Variants in ARL15 observed in about 807,000 individuals in gnomAD.
ARL15 encodes ARF like GTPase 15, also known as ADP-ribosylation factor-like protein 15.
ARL15 carries 19 observed loss-of-function variants against 25.2 expected under a neutral mutation model. The observed-to-expected ratio is 0.75, with a 90% CI of 0.53 to 1.10. The LOEUF is 1.10. Ranked by LOEUF, ARL15 falls within the 50% of genes least tolerant of loss-of-function variation. ARL15 has a pLI of 0.00. For synonymous variants in ARL15, 94 were observed against 86.8 expected, an observed-to-expected ratio of 1.08 and a Z score of -0.46; for missense variants, 220 against 246.0, an observed-to-expected ratio of 0.89 and a Z score of 0.71.
chr5:53,940,206 C>A (rs187997773), intron 4 of ARL15, among the ~76,000 whole-genome samples: 1 of 152,006 alleles, frequency 6.6e-6, no homozygotes, highest in African/African-American at 2.4e-5. Flanking sequence ...ATCTCCTGAC[C>A]CCGTCATCCG....
chr5:54,208,175 A>G (rs1755925289), intron 1 of ARL15, among the ~76,000 whole-genome samples: 2 of 152,132 alleles, frequency 1.3e-5, no homozygotes, highest in Admixed American at 1.3e-4. Context: ...AAAACAGCCA[A>G]ATACCCACGG....
chr5:54,156,547 T>C (rs1291889104), intron 2 of ARL15, among the ~76,000 whole-genome samples: 1 of 152,212 alleles, frequency 6.6e-6, no homozygotes, highest in African/African-American at 2.4e-5. Flanking sequence ...ATTACAAACT[T>C]GATTCTGGGT....
rs879572324 is a variant in ARL15 at position 54,137,048 on chromosome 5, C to CT, written c.253+17531dup. On this transcript the variant is annotated intron_variant, in intron 3 of 4. Transcript: ENST00000504924. Reference sequence around the variant, plus strand: ...TTGATTTAGAACTGCAGTAGATAACCTTTTTTTTTTTTTTGCTTCAGGCTC... The same window carrying CT: ...TTGATTTAGAACTGCAGTAGATAACCTTTTTTTTTTTTTTTGCTTCAGGCTC... Among the ~76,000 whole-genome samples, 403 of 140,940 alleles carry CT rather than the reference C, an allele frequency of 2.9e-3. 1 individual carries two copies. Among genetic ancestry groups the CT allele is most frequent in the Middle Eastern group, 7.2e-3 (2 of 276 alleles). The allele number at this position is 140,940 out of a possible 152,430, so 92.5% of individuals were successfully genotyped here. A position where few individuals can be genotyped will look rare whatever the true frequency, so the allele number is the denominator to read the frequency against.
chr5:54,068,976 C>G (rs58000709), intron 4 of ARL15, among the ~76,000 whole-genome samples: 13,031 of 152,060 alleles, frequency 0.086, 719 homozygotes, highest in African/African-American at 0.15. Context: ...ACATGCTTAA[C>G]AAATGTTTGC....
chr5:54,268,417 C>T (rs906467444), intron 1 of ARL15, among the ~76,000 whole-genome samples: 4 of 152,102 alleles, frequency 2.6e-5, no homozygotes, highest in African/African-American at 9.7e-5. Context: ...TTTGAATTTC[C>T]ACCTGTAGCT....
intron 2 of ARL15, among the ~76,000 whole-genome samples, chr5:54,162,502 C>T (rs928445858): frequency 2.0e-5 from 3 of 152,290 alleles, no homozygotes; most frequent in South Asian, 2.1e-4. Context: ...CTTCCTTCTA[C>T]GCTTTTAGAA....
rs889374804 is a variant in ARL15 at position 54,301,746 on chromosome 5, AAG to A, written c.48+8684_48+8685del. ...GATTGTCATTCCCTTCCCCAAGAGA[AAG>A]AGAGAGAGAGGCCAGAGCAGCAGCT... On this transcript the variant is annotated intron_variant, in intron 1 of 4. Coordinates refer to ENST00000504924, the MANE Select transcript of ARL15 (RefSeq NM_019087.3). 1.4e-4 allele frequency among the ~76,000 whole-genome samples: 22 copies of A among 152,140 alleles called. 1 individual carries two copies. Among genetic ancestry groups the A allele is most frequent in the Admixed American group, 1.2e-3 (19 of 15,282 alleles).
chr5:53,942,159 A>T (rs1746559057), intron 4 of ARL15, among the ~76,000 whole-genome samples: 1 of 149,328 alleles, frequency 6.7e-6, no homozygotes, highest in Non-Finnish European at 1.5e-5. Flanking sequence ...GGTCTTGCTC[A>T]TGTGGGCACT....
chr5:54,099,647 C>A (rs1254556205), intron 4 of ARL15, among the ~76,000 whole-genome samples: 1 of 152,032 alleles, frequency 6.6e-6, no homozygotes, highest in African/African-American at 2.4e-5. Flanking sequence ...TTACTCTATA[C>A]CAGACACTGA....
intron 3 of ARL15, among the ~76,000 whole-genome samples, chr5:54,117,225 T>C (rs896157393): frequency 2.6e-5 from 4 of 152,114 alleles, no homozygotes; most frequent in African/African-American, 9.7e-5. Context: ...GAGAATTTGG[T>C]TGCATGTTTT....
intron 4 of ARL15, among the ~76,000 whole-genome samples, chr5:54,018,348 A>T (rs1749490675): frequency 6.6e-6 from 1 of 152,212 alleles, no homozygotes; most frequent in African/African-American, 2.4e-5. Context: ...GCTATTTTAA[A>T]TCCAAGGATT....
intron 1 of ARL15, among the ~76,000 whole-genome samples, chr5:54,287,878 G>A (rs1251701625): frequency 6.6e-6 from 1 of 152,162 alleles, no homozygotes; most frequent in Non-Finnish European, 1.5e-5. Context: ...GTGTGGCCTA[G>A]CAGGAAGGGC....
intron 1 of ARL15, among the ~76,000 whole-genome samples, chr5:54,184,439 TAAAAAAAAAAAAAAAA>T (rs527755025): frequency 4.6e-4 from 32 of 69,116 alleles, no homozygotes; most frequent in East Asian, 1.0e-3. Flanking sequence ...ACACTGTCTT[TAAAAAAAAAAAAAAAA>T]AAAAAAAAAA....
chr5:54,097,371 T>G (rs975965583), intron 4 of ARL15, among the ~76,000 whole-genome samples: 1 of 152,148 alleles, frequency 6.6e-6, no homozygotes, highest in African/African-American at 2.4e-5. Context: ...CCAATAACAC[T>G]GCCATTTGTT....
At chr5:54,190,485 G>C (rs1160381902) in intron 1 of ARL15, among the ~76,000 whole-genome samples, 2 of 151,998 alleles carry the variant, frequency 1.3e-5, no homozygotes, top group Admixed American at 1.3e-4. Flanking sequence ...AATTTACAAA[G>C]AACAGAAGTT....
At chr5:53,959,171 TC>T (rs1747274311) in intron 4 of ARL15, among the ~76,000 whole-genome samples, 1 of 152,184 alleles carries the variant, frequency 6.6e-6, no homozygotes, top group Admixed American at 6.5e-5. Flanking sequence ...AAAACAAGTC[TC>T]AATAAATTTA....
intron 4 of ARL15, among the ~76,000 whole-genome samples, chr5:53,905,833 T>A (rs185601673): frequency 4.1e-4 from 62 of 152,290 alleles, no homozygotes; most frequent in African/African-American, 1.3e-3. Context: ...ACAAAACAAT[T>A]CTAAATGATA....
intron 1 of ARL15, among the ~76,000 whole-genome samples, chr5:54,214,965 C>A (rs181537564): frequency 6.6e-6 from 1 of 152,028 alleles, no homozygotes; most frequent in Admixed American, 6.6e-5. Context: ...TCACGTTACT[C>A]CAGAGTAACA....
chr5:54,172,410 G>A (rs1241572730), intron 1 of ARL15, among the ~76,000 whole-genome samples: 2 of 151,362 alleles, frequency 1.3e-5, no homozygotes, highest in Non-Finnish European at 2.9e-5. Context: ...CTGGATCCTA[G>A]ATCAAAAGGG....
Sources: gnomAD v4.1 joint callset for allele counts (sites outside exome capture counted in the v4.1 genomes callset) on GRCh38, gnomAD v4.1.1 for gene constraint, MANE v1.5 for transcripts, NCBI Gene and HGNC (gene_info 2026-07-23, HGNC 2026-07-21) for gene names.